Variants in PRKCH observed in about 807,000 individuals in gnomAD.
PRKCH encodes protein kinase C eta type.
In PRKCH, 28 loss-of-function variants were observed where a neutral mutation model predicts 82.5. The ratio of observed to expected loss-of-function variants is 0.34; its 90% CI spans 0.25 to 0.47. The LOEUF is 0.47. PRKCH is among the 20% of genes least tolerant of loss of function. The probability of loss-of-function intolerance (pLI) is 1.00; values close to 1 mark genes in which losing one functional copy is unlikely to be tolerated. For synonymous variants in PRKCH, 322 were observed against 327.4 expected (o/e 0.98, Z 0.18); for missense variants, 705 against 881.8 (o/e 0.80, Z 2.54).
intron 2 of PRKCH, among the ~76,000 whole-genome samples, chr14:61,438,125 G>C (rs1183072628): frequency 6.6e-6 from 1 of 152,082 alleles, no homozygotes; most frequent in Admixed American, 6.6e-5. Flanking sequence ...TGAAGCATTG[G>C]ATGTTAAACA....
chr14:61,215,436 A>G (rs971287629), intron 1 of PRKCH, among the ~76,000 whole-genome samples: 2 of 152,050 alleles, frequency 1.3e-5, no homozygotes, highest in Non-Finnish European at 2.9e-5. Context: ...ATCAACTCTT[A>G]CCTAAATTTC....
chr14:61,424,054 C>G (rs563061403), intron 2 of PRKCH, among the ~76,000 whole-genome samples: 2 of 152,340 alleles, frequency 1.3e-5, no homozygotes, highest in East Asian at 3.9e-4. Context: ...CACATACTCT[C>G]TTTCTCACCT....
intron 7 of PRKCH, among the ~76,000 whole-genome samples, chr14:61,456,400 C>T (rs906215749): frequency 6.6e-6 from 1 of 152,148 alleles, no homozygotes; most frequent in African/African-American, 2.4e-5. Context: ...CTTCTAATGG[C>T]AGGGGAATTA....
chr14:61,349,175 A>G (rs1371795853), intron 1 of PRKCH, among the ~76,000 whole-genome samples: 1 of 152,096 alleles, frequency 6.6e-6, no homozygotes, highest in African/African-American at 2.4e-5. Flanking sequence ...TGCCCCTCAC[A>G]TAGTAATTCT....
intron 9 of PRKCH, among the ~76,000 whole-genome samples, chr14:61,467,557 G>T (rs1403578798): frequency 6.6e-6 from 1 of 152,244 alleles, no homozygotes; most frequent in Non-Finnish European, 1.5e-5. Flanking sequence ...GACACCCAGC[G>T]CAAGGGGAAG....
intron 1 of PRKCH, among the ~76,000 whole-genome samples, chr14:61,370,583 T>A (rs1010931267): frequency 3.3e-5 from 5 of 152,150 alleles, no homozygotes; most frequent in Non-Finnish European, 7.3e-5. Flanking sequence ...TGTTCAGATT[T>A]TCTGCAACTT....
chr14:61,302,660 G>A (rs1370467329), intron 1 of PRKCH, among the ~76,000 whole-genome samples: 3 of 152,062 alleles, frequency 2.0e-5, no homozygotes, highest in African/African-American at 7.2e-5. Flanking sequence ...ACTATGTTGT[G>A]GGACTTCCAA....
At chr14:61,249,915 G>T (rs1459380089) in intron 1 of PRKCH, among the ~76,000 whole-genome samples, 6 of 151,410 alleles carry the variant, frequency 4.0e-5, no homozygotes, top group Non-Finnish European at 7.4e-5. Context: ...CACCACGCTT[G>T]GCCCACCAAT....
intron 1 of PRKCH, among the ~76,000 whole-genome samples, chr14:61,373,260 C>G (rs1469905277): frequency 1.3e-5 from 2 of 151,726 alleles, no homozygotes; most frequent in African/African-American, 4.9e-5. Context: ...AGAAGCATGA[C>G]TGGGAGGCCT....
At chr14:61,490,709 T>C (rs1886415690) in intron 10 of PRKCH, among the ~76,000 whole-genome samples, 1 of 151,836 alleles carries the variant, frequency 6.6e-6, no homozygotes, top group African/African-American at 2.4e-5. Context: ...AGTCTAGGGG[T>C]TCAAGACCAG....
intron 9 of PRKCH, among the ~76,000 whole-genome samples, chr14:61,459,544 G>A (rs1483560669): frequency 6.6e-6 from 1 of 152,206 alleles, no homozygotes; most frequent in South Asian, 2.1e-4. Context: ...CTGTGTTAAG[G>A]GGTTTGGGTT....
At chr14:61,261,349 G>A (rs2045042355) in intron 1 of PRKCH, among the ~76,000 whole-genome samples, 1 of 152,206 alleles carries the variant, frequency 6.6e-6, no homozygotes, top group Non-Finnish European at 1.5e-5. Context: ...ACAGATGTAA[G>A]CTCTCTGGGA....
intron 1 of PRKCH, among the ~76,000 whole-genome samples, chr14:61,314,797 T>G (rs2045549457): frequency 6.6e-6 from 1 of 152,124 alleles, no homozygotes; most frequent in East Asian, 1.9e-4. Context: ...GAGCTGTGCA[T>G]CCACTGACAC....
At chr14:61,469,381 G>A (rs757661528) in intron 9 of PRKCH, among the ~76,000 whole-genome samples, 3 of 152,224 alleles carry the variant, frequency 2.0e-5, no homozygotes, top group Non-Finnish European at 4.4e-5. Context: ...TGGGTTCTAG[G>A]GGAAACTCTT....
intron 10 of PRKCH, among the ~76,000 whole-genome samples, chr14:61,516,614 G>A (rs112534061): frequency 1.1e-4 from 16 of 152,248 alleles, no homozygotes; most frequent in South Asian, 6.2e-4. Context: ...TGCTGGGGCC[G>A]GAGTGAGTGC....
chr14:61,252,611 C>G (rs949895447), intron 1 of PRKCH, among the ~76,000 whole-genome samples: 2 of 152,158 alleles, frequency 1.3e-5, no homozygotes. Context: ...TCCCCTTTCC[C>G]TATTTGCACA....
intron 1 of PRKCH, among the ~76,000 whole-genome samples, chr14:61,205,366 G>A (rs36005203): frequency 0.33 from 50,174 of 152,050 alleles, 8,704 homozygotes; most frequent in Admixed American, 0.41. Context: ...GATTCTGAAG[G>A]CAATTCCATA....
At chr14:61,251,862 T>G (rs183889666) in intron 1 of PRKCH, among the ~76,000 whole-genome samples, 1 of 152,170 alleles carries the variant, frequency 6.6e-6, no homozygotes, top group African/African-American at 2.4e-5. Context: ...TGTTTTGAGA[T>G]GGAGTTTCGC....
intron 1 of PRKCH, among the ~76,000 whole-genome samples, chr14:61,312,220 T>C (rs1160319293): frequency 6.6e-6 from 1 of 152,206 alleles, no homozygotes; most frequent in Non-Finnish European, 1.5e-5. Flanking sequence ...ATTTGCTAAA[T>C]TTCTGTGTTC....
Sources: allele counts gnomAD v4.1 joint callset (sites outside exome capture counted in the v4.1 genomes callset), GRCh38; gene constraint gnomAD v4.1.1; transcripts MANE v1.5; gene names NCBI Gene and HGNC (gene_info 2026-07-23, HGNC 2026-07-21).